Variants in BPI observed in about 807,000 individuals in gnomAD.
BPI encodes bactericidal permeability increasing protein, also known as bactericidal permeability-increasing protein.
BPI carries 48 observed loss-of-function variants against 57.6 expected under a neutral mutation model. The ratio of observed to expected loss-of-function variants is 0.83; its 90% CI spans 0.66 to 1.06. The LOEUF (loss-of-function observed/expected upper bound fraction) is 1.06. BPI is among the 50% of genes least tolerant of loss of function. The pLI is 0.00. For missense variants in BPI, 651 were observed against 609.7 expected, an observed-to-expected ratio of 1.07 and a Z score of -0.71; for synonymous variants, 237 against 238.2, an observed-to-expected ratio of 0.99 and a Z score of 0.05.
At chr20:38,307,772 A>G (rs2076603898) in intron 2 of BPI, 91 bp downstream of exon 2, 3 of 1,057,752 alleles carry the variant, frequency 2.8e-6, no homozygotes, top group East Asian at 5.3e-5. Context: ...CAAACTCCTC[A>G]ACTCACAGAG....
At chr20:38,323,281 G>A (rs2076695955) in intron 7 of BPI, among the ~76,000 whole-genome samples, 1 of 151,998 alleles carries the variant, frequency 6.6e-6, no homozygotes, top group Admixed American at 6.6e-5. Context: ...ACATTTATTT[G>A]CTAAATAAAT....
chr20:38,309,210 T>C, intron 3 of BPI, 152 bp downstream of exon 3: 1 of 1,166,038 alleles, frequency 8.6e-7, no homozygotes, highest in South Asian at 1.5e-5. Context: ...CATGAGAAGA[T>C]TCAACATAAC....
At position 38,335,628 on chromosome 20, in the gene BPI, C is replaced by T. The variant is rs148829027; in HGVS notation, c.1367C>T (p.Thr456Met). The change falls in exon 14 of 15, where the codon ACG (threonine) becomes ATG (methionine). Residue 456 changes from threonine to methionine, a missense_variant. Transcript: ENST00000642449. Reference sequence around the variant, plus strand: ...CTACAGAAAGGCTTCCCTCTCCCGACGCCGGCCAGAGTCCAGCTCTACAAC... The same window carrying T: ...CTACAGAAAGGCTTCCCTCTCCCGATGCCGGCCAGAGTCCAGCTCTACAAC... ...EKLQKGFPLP[T>M]PARVQLYNVV... The T allele has an allele frequency of 4.7e-5, 76 of 1,614,216 alleles. No homozygotes were observed. The highest frequency in any genetic ancestry group is 1.9e-4 in the African/African-American group (14 of 75,062).
At chr20:38,315,794 T>G (rs1406450206) in intron 5 of BPI, among the ~76,000 whole-genome samples, 2 of 151,332 alleles carry the variant, frequency 1.3e-5, no homozygotes, top group African/African-American at 4.9e-5. Flanking sequence ...CTTCCTTCCT[T>G]TCCTTCTTCC....
chr20:38,317,413 T>A (rs2076657347), intron 5 of BPI, among the ~76,000 whole-genome samples: 1 of 152,200 alleles, frequency 6.6e-6, no homozygotes, highest in African/African-American at 2.4e-5. Flanking sequence ...AAAAGTTCCA[T>A]GTTAGAATTA....
At chr20:38,318,123 A>G in intron 5 of BPI, 1 of 810,954 alleles carries the variant, frequency 1.2e-6, no homozygotes, top group Non-Finnish European at 1.5e-6. Flanking sequence ...AACAGCAACA[A>G]AAAAAAAAAA....
chr20:38,320,661 T>TACACTCAC (rs2076676974), intron 7 of BPI, among the ~76,000 whole-genome samples: 1 of 130,880 alleles, frequency 7.6e-6, no homozygotes, highest in East Asian at 2.4e-4. Context: ...TTATTACCAA[T>TACACTCAC]ACACACACAC....
chr20:38,316,335 G>A (rs1383283582), intron 5 of BPI, among the ~76,000 whole-genome samples: 1 of 152,220 alleles, frequency 6.6e-6, no homozygotes, highest in Non-Finnish European at 1.5e-5. Context: ...CAACCCTAAG[G>A]AGGATTAAGA....
chr20:38,336,569 C>T (rs1158658882), intron 14 of BPI, among the ~76,000 whole-genome samples: 1 of 151,996 alleles, frequency 6.6e-6, no homozygotes, highest in African/African-American at 2.4e-5. Context: ...TGGGGAGCCT[C>T]GCATCACCCA....
At chr20:38,321,230 T>C (rs1184599730) in intron 7 of BPI, among the ~76,000 whole-genome samples, 1 of 77,154 alleles carries the variant, frequency 1.3e-5, no homozygotes, top group Non-Finnish European at 2.5e-5. Context: ...GATGAATGGA[T>C]GGGTGGGTGG....
chr20:38,310,776 G>A lies in BPI; in HGVS notation c.536+124G>A, dbSNP rs888000772. On this transcript the variant is annotated intron_variant, in intron 4 of 14. Transcript: ENST00000642449. ...TGCCAGGCCTTGCTCAGAGGCCTCA[G>A]GCATGGTATGGGGGCCAGGGGCCCA... 3 of 1,290,192 alleles carry A rather than the reference G, an allele frequency of 2.3e-6. No individual in the cohort carries two copies. The African/African-American group carries it at 4.4e-5, about 19-fold the overall frequency. The allele number at this position is 1,290,192 out of a possible 1,614,324, so 79.9% of individuals were successfully genotyped here.
chr20:38,329,129 C>T (rs566331347), intron 11 of BPI, among the ~76,000 whole-genome samples: 1 of 151,636 alleles, frequency 6.6e-6, no homozygotes, highest in South Asian at 2.1e-4. Flanking sequence ...GAGAAGGAGA[C>T]AGACACAAAG....
chr20:38,335,527 C>G, intron 13 of BPI, 71 bp from the exon 14 acceptor site: 1 of 1,422,044 alleles, frequency 7.0e-7, no homozygotes, highest in Non-Finnish European at 9.9e-7. Flanking sequence ...TACCCAGGCT[C>G]TCTGGCCCTC....
chr20:38,334,428 A>G lies in BPI; in HGVS notation c.1273-2A>G, dbSNP rs775998691. On this transcript the variant is annotated splice_acceptor_variant, in intron 12 of 14. Transcript: ENST00000642449. LOFTEE classifies it high-confidence loss of function. ...TCCTCCCATCCTCCCTCTGATTTCC[A>G]GGTTGAATTGCTGCAGGATATCATG... is the stretch of plus-strand genomic sequence containing the variant. 8 of 1,613,464 alleles carry G rather than the reference A, an allele frequency of 5.0e-6. No individual in the cohort carries two copies. The highest frequency in any genetic ancestry group is 6.8e-6 in the Non-Finnish European group (8 of 1,179,496).
rs574214477 is a variant in BPI, at chr20:38,337,407, G to T, written c.*223G>T. On this transcript the variant is annotated 3_prime_UTR_variant, in exon 15 of 15. Transcript: ENST00000642449. ...TTATGAGCTTCTTTCAAGGGCTAAG[G>T]CTGCAGAGATATTTCCTCCAGGAAT... 5.3e-5 allele frequency: 22 copies of T among 412,136 alleles called. No homozygotes were observed. The highest frequency in any genetic ancestry group is 2.2e-4 in the Admixed American group (5 of 22,276). The allele number at this position is 412,136 out of a possible 1,614,324, so 25.5% of individuals were successfully genotyped here. A position where few individuals can be genotyped will look rare whatever the true frequency, so the allele number is the denominator to read the frequency against.
rs573506662 is a variant in BPI, at chr20:38,318,531, G to A, written c.664+55G>A. ...AAGGAACAGAAATGGGAGGGGGTGA[G>A]GACGTCAGGGTGGATGTGATGGGGC... On this transcript the variant is annotated intron_variant, in intron 6 of 14. Coordinates refer to ENST00000642449, the MANE Select transcript of BPI (RefSeq NM_001725.3). 3 of 1,578,724 alleles carry A rather than the reference G, an allele frequency of 1.9e-6. No homozygotes were observed. The East Asian group carries it at 6.7e-5, about 35-fold the overall frequency.
At chr20:38,329,793 AC>A (rs1313699424) in intron 11 of BPI, among the ~76,000 whole-genome samples, 2 of 151,908 alleles carry the variant, frequency 1.3e-5, no homozygotes, top group African/African-American at 4.8e-5. Context: ...GCTCACTGCA[AC>A]CCCTGCCTCC....
At chr20:38,326,520 T>A (rs1302076131) in intron 10 of BPI, 88 bp downstream of exon 10, 2 of 1,401,338 alleles carry the variant, frequency 1.4e-6, no homozygotes, top group South Asian at 1.5e-5. Context: ...GTGAATCCTG[T>A]CTGGATTCAA....
rs116620756 is a variant in BPI at position 38,332,349 on chromosome 20, C to T, written c.1272+1259C>T. ...TTGAGGAGGCTGGTGTGTTTGTCCA[C>T]GTGAGATGCTGGAGGTTGGGACTCA... On this transcript the variant is annotated intron_variant, in intron 12 of 14. Transcript: ENST00000642449. 9.2e-3 allele frequency among the ~76,000 whole-genome samples: 1,397 copies of T among 152,094 alleles called. 20 individuals are homozygous for T. The highest frequency in any genetic ancestry group is 0.03 in the African/African-American group (1,265 of 41,480).
Sources: allele counts gnomAD v4.1 joint callset (sites outside exome capture counted in the v4.1 genomes callset), GRCh38; gene constraint gnomAD v4.1.1; transcripts MANE v1.5; gene names NCBI Gene and HGNC (gene_info 2026-07-23, HGNC 2026-07-21).